Variants in FAP observed in about 807,000 individuals in gnomAD.
FAP encodes the protein prolyl endopeptidase FAP.
Under a neutral mutation model 126.5 loss-of-function variants are expected in FAP, and 110 were observed. That is an observed-to-expected ratio of 0.87 (90% CI 0.74 to 1.02). The LOEUF (loss-of-function observed/expected upper bound fraction) is 1.02, where lower values mean the gene tolerates loss of function less well. Ranked by LOEUF, FAP falls within the 50% of genes least tolerant of loss-of-function variation. The probability of loss-of-function intolerance (pLI) is 0.00; values close to 1 mark genes in which losing one functional copy is unlikely to be tolerated. For synonymous variants in FAP, 334 were observed against 297.3 expected, an observed-to-expected ratio of 1.12 and a Z score of -1.27; for missense variants, 919 against 909.2, an observed-to-expected ratio of 1.01 and a Z score of -0.14.
chr2:162,219,312 C>G, intron 7 of FAP, 129 bp from the exon 8 acceptor site: 3 of 838,660 alleles, frequency 3.6e-6, no homozygotes, highest in Non-Finnish European at 5.3e-6. Context: ...AACTAAAATA[C>G]CATTTTAATA....
At chr2:162,223,417 G>A (rs1051960158) in intron 6 of FAP, among the ~76,000 whole-genome samples, 191 bp downstream of exon 6, 1 of 152,098 alleles carries the variant, frequency 6.6e-6, no homozygotes, top group Non-Finnish European at 1.5e-5. Context: ...GTCAAATAAA[G>A]AGGTGGGTAT....
Position 162,174,938 on chromosome 2 carries a change from G to A in FAP, c.1898C>T (p.Ala633Val), listed in dbSNP as rs999486506. ...WSYGGYVSSL[A>V]LASGTGLFKC... is the part of the protein sequence containing the mutation. ...GAAAAGACCAGTTCCAGATGCAAGG[G>A]CCAGTGATGAAACGTATCCTCCATA... is the stretch of plus-strand genomic sequence containing the variant. The change falls in exon 22 of 26, where the codon GCC becomes GTC. Residue 633 changes from alanine to valine, a missense_variant. Physicochemically the swap from Ala to Val is moderately conservative, Grantham distance 64. Transcript: ENST00000188790. 2.5e-6 allele frequency: 4 copies of A among 1,612,462 alleles called. No individual in the cohort carries two copies. The highest frequency in any genetic ancestry group is 3.4e-6 in the Non-Finnish European group (4 of 1,178,938).
At chr2:162,228,857 C>A (rs78022362) in intron 2 of FAP, among the ~76,000 whole-genome samples, 31 of 152,216 alleles carry the variant, frequency 2.0e-4, no homozygotes, top group African/African-American at 7.5e-4. Context: ...AAGTTGCAAT[C>A]TGATTCTAAT....
At chr2:162,183,802 T>G (rs917605431) in intron 20 of FAP, among the ~76,000 whole-genome samples, 2 of 152,134 alleles carry the variant, frequency 1.3e-5, no homozygotes, top group African/African-American at 2.4e-5. Flanking sequence ...GCAGCAGCAT[T>G]GAGCAGGACC....
chr2:162,214,242 T>C (rs889497975), intron 10 of FAP, among the ~76,000 whole-genome samples, 169 bp from the exon 11 acceptor site: 1 of 152,162 alleles, frequency 6.6e-6, no homozygotes, highest in Non-Finnish European at 1.5e-5. Flanking sequence ...TAAATATCTC[T>C]ACTTACTTAA....
rs1689402793 is a variant in FAP, at chr2:162,221,624, A to G, written c.414-1699T>C. On this transcript the variant is annotated intron_variant, in intron 6 of 25. Coordinates refer to ENST00000188790, the MANE Select transcript of FAP (RefSeq NM_004460.5). ...TACTGTAACATTGTCTCAGTTTTCT[A>G]CATACAGTGGAATTATCTATGCAAT... is the stretch of plus-strand genomic sequence containing the variant. The G allele has an allele frequency of 3.3e-5, 15 of 455,964 alleles. 1 individual carries two copies. Among genetic ancestry groups the G allele is most frequent in the South Asian group, 2.0e-4 (13 of 64,482 alleles). 28.2% of individuals were successfully genotyped at this position (455,964 alleles called of 1,614,324 possible).
At chr2:162,178,622 G>A (rs780745330) in intron 21 of FAP, among the ~76,000 whole-genome samples, 4 of 152,138 alleles carry the variant, frequency 2.6e-5, no homozygotes, top group African/African-American at 7.2e-5. Context: ...CTAAAACCAG[G>A]GCTAGTGGGC....
At chr2:162,187,194 G>A (rs1314324233) in intron 20 of FAP, among the ~76,000 whole-genome samples, 1 of 152,014 alleles carries the variant, frequency 6.6e-6, no homozygotes, top group Admixed American at 6.6e-5. Context: ...GTGTTGTCTA[G>A]GCCTGGCTCC....
At chr2:162,209,830 A>G in intron 12 of FAP, 122 bp downstream of exon 12, 1 of 802,130 alleles carries the variant, frequency 1.2e-6, no homozygotes, top group South Asian at 1.5e-5. Context: ...TGTGTTTTAT[A>G]CCTTGCTACT....
intron 2 of FAP, among the ~76,000 whole-genome samples, chr2:162,228,913 T>A (rs1689774729): frequency 6.6e-6 from 1 of 152,208 alleles, no homozygotes; most frequent in Non-Finnish European, 1.5e-5. Flanking sequence ...GAACTTATTT[T>A]CCACTTGAGA....
chr2:162,229,506 T>G (rs1044401848), intron 2 of FAP, among the ~76,000 whole-genome samples: 1 of 152,176 alleles, frequency 6.6e-6, no homozygotes, highest in Non-Finnish European at 1.5e-5. Context: ...TTGAACATTT[T>G]GTCTATTGCC....
At chr2:162,234,770 C>G (rs1209969486) in intron 2 of FAP, among the ~76,000 whole-genome samples, 1 of 152,164 alleles carries the variant, frequency 6.6e-6, no homozygotes, top group African/African-American at 2.4e-5. Context: ...ACTTCAGGAG[C>G]CCTTCAGCCC....
intron 11 of FAP, among the ~76,000 whole-genome samples, chr2:162,213,374 C>CAAAAAAAA: frequency 1.1e-5 from 1 of 89,632 alleles, no homozygotes; most frequent in Middle Eastern, 8.9e-3. Flanking sequence ...GACGCCATCT[C>CAAAAAAAA]AAAAAAAAAA....
chr2:162,241,070 G>T (rs947169499), intron 2 of FAP, among the ~76,000 whole-genome samples: 1 of 152,170 alleles, frequency 6.6e-6, no homozygotes, highest in Non-Finnish European at 1.5e-5. Context: ...ATTCTGAGAA[G>T]TTATTCAGCA....
intron 12 of FAP, among the ~76,000 whole-genome samples, chr2:162,203,363 G>C (rs72871612): frequency 6.6e-6 from 1 of 152,224 alleles, no homozygotes; most frequent in Non-Finnish European, 1.5e-5. Flanking sequence ...CCACTGCTTG[G>C]CTGCTACTGC....
In FAP at chr2:162,218,133, C is replaced by T; in HGVS notation, c.615G>A (p.Met205Ile). 1 of 1,597,440 alleles carries T rather than the reference C, an allele frequency of 6.3e-7. No homozygotes were observed. The highest frequency in any genetic ancestry group is 8.5e-7 in the Non-Finnish European group (1 of 1,172,864). The stretch of plus-strand genomic sequence containing the variant: ...ACCAGAGAGCATATTTTGTAGCAAG[C>T]ATTTCCTCTGAAAAATAAGTACTAG... ...GIPDWVYEEE[M>I]LATKYALWWS... Residue 205 changes from methionine to isoleucine, a missense_variant, in exon 9 of 26, where the codon ATG becomes ATA. By Grantham distance (10) the Met-to-Ile change is conservative (BLOSUM62 1). Coordinates refer to ENST00000188790, the MANE Select transcript of FAP (RefSeq NM_004460.5).
chr2:162,223,009 T>C (rs927357050), intron 6 of FAP, among the ~76,000 whole-genome samples: 5 of 152,194 alleles, frequency 3.3e-5, no homozygotes, highest in Non-Finnish European at 5.9e-5. Flanking sequence ...TTCTTTTAAA[T>C]GGTAAATGTT....
chr2:162,202,945 A>T lies in FAP; in HGVS notation c.1153-3T>A. On this transcript the variant is annotated splice_polypyrimidine_tract_variant and splice_region_variant and intron_variant, in intron 13 of 25. Transcript: ENST00000188790. ...CTTGTAATTTGAATAGCATTTTCCT[A>T]TAAAAAGACAAACATTATGTTGTGT... The T allele has an allele frequency of 2.5e-6, 4 of 1,612,726 alleles. No homozygotes were observed. Among genetic ancestry groups the T allele is most frequent in the Non-Finnish European group, 2.5e-6 (3 of 1,178,736 alleles).
At chr2:162,209,330 C>T (rs572710911) in intron 12 of FAP, among the ~76,000 whole-genome samples, 3 of 152,126 alleles carry the variant, frequency 2.0e-5, no homozygotes, top group Admixed American at 6.5e-5. Flanking sequence ...TCTTCATATA[C>T]GATATAAAAT....
Sources: gnomAD v4.1 joint callset for allele counts (sites outside exome capture counted in the v4.1 genomes callset) on GRCh38, gnomAD v4.1.1 for gene constraint, MANE v1.5 for transcripts, NCBI Gene and HGNC (gene_info 2026-07-23, HGNC 2026-07-21) for gene names.